Variants in WDFY4 observed in about 807,000 individuals in gnomAD.
WDFY4 encodes WD repeat- and FYVE domain-containing protein 4.
Under a neutral mutation model 351.9 loss-of-function variants are expected in WDFY4, and 169 were observed. The ratio of observed to expected loss-of-function variants is 0.48; its 90% CI spans 0.42 to 0.55. The LOEUF is 0.55. WDFY4 is among the 20% of genes least tolerant of loss of function. The probability of loss-of-function intolerance (pLI) is 0.00; values close to 1 mark genes in which losing one functional copy is unlikely to be tolerated. For missense variants in WDFY4, 3,803 were observed against 3,935.6 expected, an observed-to-expected ratio of 0.97 and a Z score of 0.90; for synonymous variants, 1,622 against 1,574.6, an observed-to-expected ratio of 1.03 and a Z score of -0.71.
chr10:48,878,953 C>T (rs1304692067), intron 43 of WDFY4, among the ~76,000 whole-genome samples: 2 of 152,206 alleles, frequency 1.3e-5, no homozygotes, highest in Non-Finnish European at 2.9e-5. Flanking sequence ...CATATATCTA[C>T]TATGTGAAAT....
At position 48,981,485 on chromosome 10, in the gene WDFY4, G is replaced by A. The variant is rs370099725; in HGVS notation, c.9488+7G>A. ...CTGCTCTGGCCGTGTCCAGGTAAGCGCGGCCTTGTTTCTCTGGGTCTCCAG... is the reference window on the plus strand; with the variant it reads ...CTGCTCTGGCCGTGTCCAGGTAAGCACGGCCTTGTTTCTCTGGGTCTCCAG... On this transcript the variant is annotated splice_region_variant and intron_variant, in intron 61 of 61. Transcript: ENST00000325239. 150 of 1,551,306 alleles carry A rather than the reference G, an allele frequency of 9.7e-5. 1 individual carries two copies. The African/African-American group carries it at 1.8e-3, about 19-fold the overall frequency.
chr10:48,870,556 GAAAA>G (rs201718745), intron 40 of WDFY4, among the ~76,000 whole-genome samples: 1 of 122,914 alleles, frequency 8.1e-6, no homozygotes. Context: ...CCTTGTCTCT[GAAAA>G]AAAAAAAAAA....
intron 39 of WDFY4, among the ~76,000 whole-genome samples, chr10:48,851,048 GC>G (rs2068940911): frequency 6.6e-6 from 1 of 152,154 alleles, no homozygotes; most frequent in Non-Finnish European, 1.5e-5. Flanking sequence ...AGAACCTGGT[GC>G]CCATCAATAG....
intron 1 of WDFY4, among the ~76,000 whole-genome samples, chr10:48,701,520 G>A (rs1312540105): frequency 6.6e-6 from 1 of 152,234 alleles, no homozygotes; most frequent in African/African-American, 2.4e-5. Flanking sequence ...GGATGCAAAA[G>A]TGGATGAGAA....
intron 7 of WDFY4, 36 bp downstream of exon 7, chr10:48,727,695 A>G: frequency 6.5e-7 from 1 of 1,548,204 alleles, no homozygotes; most frequent in Middle Eastern, 1.7e-4. Flanking sequence ...AGAGCACAGG[A>G]CCACCAAAGC....
chr10:48,964,161 G>T, intron 54 of WDFY4, 107 bp downstream of exon 54: 1 of 1,248,920 alleles, frequency 8.0e-7, no homozygotes, highest in Non-Finnish European at 1.1e-6. Flanking sequence ...GAGGTGAAAT[G>T]GTCCCCCATC....
chr10:48,982,730 C>T lies in WDFY4; in HGVS notation c.*155C>T, dbSNP rs566659420. The T allele has an allele frequency of 7.0e-6, 5 of 713,530 alleles. No individual in the cohort carries two copies. In the South Asian group the frequency reaches 7.4e-5, roughly 11 times the overall value. 44.2% of individuals were successfully genotyped at this position (713,530 alleles called of 1,614,324 possible). ...CTCTGGCAATCACAGCTCTGCAGCC[C>T]AACCCTCTCCATGGCCGATGGGACT... On this transcript the variant is annotated 3_prime_UTR_variant, in exon 62 of 62. Coordinates refer to ENST00000325239, the MANE Select transcript of WDFY4 (RefSeq NM_001394531.1).
At chr10:48,868,728 T>C (rs1307697790) in intron 40 of WDFY4, among the ~76,000 whole-genome samples, 1 of 152,248 alleles carries the variant, frequency 6.6e-6, no homozygotes, top group Non-Finnish European at 1.5e-5. Context: ...GGATGTGGTT[T>C]ATCTAAACTT....
At chr10:48,826,964 G>A in intron 36 of WDFY4, 55 bp downstream of exon 36, 2 of 1,428,204 alleles carry the variant, frequency 1.4e-6, no homozygotes, top group Non-Finnish European at 9.6e-7. Context: ...AGAAAGGAGA[G>A]ATTTAGAGGA....
rs201854120 is a variant in WDFY4 at position 48,723,484 on chromosome 10, T to G, written c.508T>G (p.Cys170Gly). The G allele has an allele frequency of 6.4e-7, 1 of 1,551,184 alleles. No homozygotes were observed. The highest frequency in any genetic ancestry group is 8.7e-7 in the Non-Finnish European group (1 of 1,147,006). Reference protein sequence around the residue: ...ESGLPALLLQCLYLFFVFPLD... With the variant: ...ESGLPALLLQGLYLFFVFPLD... ...TGGGCTTCCAGCCCTGCTCCTACAG[T>G]GCCTTTACCTCTTCTTTGTCTTTCC... The change falls in exon 5 of 62, where the codon TGC (cysteine) becomes GGC (glycine). Residue 170 changes from cysteine to glycine, a missense_variant. Cys to Gly is a radical substitution (Grantham distance 159). Around this residue, in one of 3 missense-constraint regions of WDFY4, gnomAD observed 488 missense variants for 456.8 expected, o/e 1.07. Transcript: ENST00000325239.
chr10:48,870,544 G>T (rs1168335360), intron 40 of WDFY4, among the ~76,000 whole-genome samples: 1 of 139,490 alleles, frequency 7.2e-6, no homozygotes, highest in Admixed American at 7.2e-5. Flanking sequence ...CAGAGAAAAA[G>T]ACCTTGTCTC....
chr10:48,804,685 T>C (rs1036640334), intron 25 of WDFY4: 39 of 981,330 alleles, frequency 4.0e-5, no homozygotes, highest in Non-Finnish European at 4.5e-5. Flanking sequence ...CCTGTACCAG[T>C]TGTTTTCTAA....
intron 9 of WDFY4, 38 bp downstream of exon 9, chr10:48,731,600 A>G: frequency 6.6e-7 from 1 of 1,526,676 alleles, no homozygotes; most frequent in Admixed American, 2.0e-5. Flanking sequence ...GGCAGGGGTC[A>G]GTGTCAGCCA....
intron 54 of WDFY4, among the ~76,000 whole-genome samples, chr10:48,965,695 G>A (rs920780456): frequency 9.3e-5 from 10 of 107,666 alleles, no homozygotes; most frequent in Non-Finnish European, 2.1e-4. Context: ...GCTTCTGGCT[G>A]GAAAGAGCAG....
At chr10:48,980,591 G>A (rs928368793) in intron 60 of WDFY4, among the ~76,000 whole-genome samples, 1 of 152,182 alleles carries the variant, frequency 6.6e-6, no homozygotes, top group African/African-American at 2.4e-5. Context: ...AAGTGCTTGG[G>A]AGAAGCTTGT....
intron 47 of WDFY4, among the ~76,000 whole-genome samples, chr10:48,923,558 C>T (rs1335197702): frequency 7.0e-6 from 1 of 142,104 alleles, no homozygotes; most frequent in Admixed American, 7.3e-5. Context: ...GCAACCCTAT[C>T]CCATGGGCCT....
At chr10:48,871,527 T>C in intron 40 of WDFY4, among the ~76,000 whole-genome samples, 1 of 150,898 alleles carries the variant, frequency 6.6e-6, no homozygotes, top group East Asian at 2.0e-4. Context: ...CAGGCTGAAG[T>C]ACAGTCATGT....
intron 11 of WDFY4, among the ~76,000 whole-genome samples, chr10:48,738,839 C>A (rs185004424): frequency 1.3e-5 from 2 of 152,254 alleles, no homozygotes; most frequent in East Asian, 3.9e-4. Flanking sequence ...AAAGGTTTCC[C>A]ATCTCCGAAG....
At chr10:48,944,987 C>T (rs1269663930) in intron 49 of WDFY4, among the ~76,000 whole-genome samples, 1 of 152,198 alleles carries the variant, frequency 6.6e-6, no homozygotes, top group Non-Finnish European at 1.5e-5. Flanking sequence ...GGCCATTTCA[C>T]TCTTGCCCCT....
Sources: gnomAD v4.1 joint callset for allele counts (sites outside exome capture counted in the v4.1 genomes callset) on GRCh38, gnomAD v4.1.1 for gene constraint, gnomAD v4.1.1 regional missense constraint, MANE v1.5 for transcripts, NCBI Gene and HGNC (gene_info 2026-07-23, HGNC 2026-07-21) for gene names.